The following KIAA0586 variants were observed in gnomAD, a reference collection of about 807,000 sequenced individuals.
KIAA0586 encodes KIAA0586, also known as protein TALPID3.
Under a neutral mutation model 169.8 loss-of-function variants are expected in KIAA0586, and 144 were observed. The observed-to-expected ratio is 0.85, with a 90% CI of 0.74 to 0.97. The LOEUF is 0.97. Ranked by LOEUF, KIAA0586 falls within the 50% of genes least tolerant of loss-of-function variation. KIAA0586 has a pLI of 0.00. For missense variants in KIAA0586, 1,854 were observed against 1,823.0 expected (o/e 1.02, Z -0.31); for synonymous variants, 625 against 612.4 (o/e 1.02, Z -0.30).
At chr14:58,465,013 A>C (rs1595216389) in intron 14 of KIAA0586, among the ~76,000 whole-genome samples, 1 of 152,166 alleles carries the variant, frequency 6.6e-6, no homozygotes, top group Non-Finnish European at 1.5e-5. Flanking sequence ...CAGAGGTTGC[A>C]TTGAGCTAAG....
chr14:58,453,372 A>G lies in KIAA0586; in HGVS notation c.1152A>G (p.Gln384=), dbSNP rs963677243. The change falls in exon 9 of 31, where the codon CAA becomes CAG. Residue 384 remains glutamine, a synonymous_variant. Transcript: ENST00000652326. ...CHRGNVRLLE[Q]ILNNNDSLTR... is the part of the protein sequence containing the mutation. ...CAGGAAATGTAAGACTATTGGAACA[A>G]ATTTTGAATAATAATGATTCTTTGA... 3.6e-6 allele frequency: 5 copies of G among 1,384,462 alleles called. No homozygotes were observed. In the South Asian group the frequency reaches 6.9e-5, roughly 19 times the overall value. The allele number at this position is 1,384,462 out of a possible 1,614,324, so 85.8% of individuals were successfully genotyped here.
chr14:58,492,193 A>G lies in KIAA0586; in HGVS notation c.3908A>G (p.Lys1303Arg), dbSNP rs767855931. 196 of 1,550,192 alleles carry G rather than the reference A, an allele frequency of 1.3e-4. No individual in the cohort carries two copies. The highest frequency in any genetic ancestry group is 1.7e-4 in the Non-Finnish European group (192 of 1,146,200). The change falls in exon 26 of 31, where the codon AAA (lysine) becomes AGA (arginine). Residue 1303 changes from lysine to arginine, a missense_variant. Transcript: ENST00000652326. The stretch of plus-strand genomic sequence containing the variant: ...CAAGTGATTAGGATGTCCCATAAAA[A>G]ATTTCATGCAGATGCAATTCTTTCT... ...EGQVIRMSHK[K>R]FHADAILSFA...
rs138741825 is a variant in KIAA0586 at position 58,434,013 on chromosome 14, G to GAGAC, written c.410+1572_410+1575dup. The stretch of plus-strand genomic sequence containing the variant: ...GACCCCGTCTCATCAGAAAAATAGG[G>GAGAC]AGACAGACAGACAGACAGATGCTGA... On this transcript the variant is annotated intron_variant, in intron 4 of 30. Transcript: ENST00000652326. Among the ~76,000 whole-genome samples the GAGAC allele has an allele frequency of 5.3e-5, 8 of 152,076 alleles. No homozygotes were observed. The East Asian group carries it at 1.5e-3, about 29-fold the overall frequency.
chr14:58,523,058 CAT>C (rs779508322), intron 29 of KIAA0586, among the ~76,000 whole-genome samples: 162 of 149,334 alleles, frequency 1.1e-3, no homozygotes, highest in African/African-American at 2.4e-3. Context: ...ATATCTATGT[CAT>C]ATATATATAT....
chr14:58,484,924 A>ATATATTTT (rs1566877360), intron 21 of KIAA0586, among the ~76,000 whole-genome samples: 1 of 13,052 alleles, frequency 7.7e-5, no homozygotes, highest in Non-Finnish European at 1.3e-4. Context: ...ATATATATAT[A>ATATATTTT]TTTTTTTTTT....
In KIAA0586 at chr14:58,461,129, A is replaced by G. The variant is rs559438142; in HGVS notation, c.2028A>G (p.Pro676=). ...ATTCTCCATCTCCTAAGTCCAGACC[A>G]CAGAGACCAAAAGTAATAGAACGAG... ...RFNSPSPKSR[P]QRPKVIERVK... is the part of the protein sequence containing the mutation. Residue 676 remains proline, a synonymous_variant, in exon 14 of 31, where the codon CCA becomes CCG. Coordinates refer to ENST00000652326, the MANE Select transcript of KIAA0586 (RefSeq NM_001329943.3). The G allele has an allele frequency of 5.8e-5, 92 of 1,597,492 alleles. No individual in the cohort carries two copies. In the South Asian group the frequency reaches 5.9e-4, roughly 10 times the overall value.
intron 28 of KIAA0586, among the ~76,000 whole-genome samples, chr14:58,509,065 C>T (rs2044204516): frequency 6.6e-6 from 1 of 151,932 alleles, no homozygotes; most frequent in African/African-American, 2.4e-5. Context: ...GCCATCTCTA[C>T]AAAAAATACA....
At chr14:58,435,258 T>C (rs1566777890) in intron 4 of KIAA0586, among the ~76,000 whole-genome samples, 1 of 152,238 alleles carries the variant, frequency 6.6e-6, no homozygotes, top group East Asian at 1.9e-4. Flanking sequence ...ATTTATATCA[T>C]TTGATCAAAT....
chr14:58,453,275 C>A, intron 8 of KIAA0586, 75 bp from the exon 9 acceptor site: 1 of 826,562 alleles, frequency 1.2e-6, no homozygotes, highest in Non-Finnish European at 1.7e-6. Flanking sequence ...GGCCAGAATA[C>A]AAATATGTGA....
At chr14:58,521,615 G>A in intron 29 of KIAA0586, 2 of 1,042,726 alleles carry the variant, frequency 1.9e-6, no homozygotes, top group African/African-American at 1.6e-5. Context: ...AGGACAGCGG[G>A]GATCTTCCAA....
intron 1 of KIAA0586, among the ~76,000 whole-genome samples, chr14:58,428,934 C>G (rs1952595507): frequency 6.6e-6 from 1 of 152,108 alleles, no homozygotes; most frequent in South Asian, 2.1e-4. Context: ...TTACCCACTT[C>G]GCTGCTAATT....
At chr14:58,462,982 T>TGAC (rs972210208) in intron 14 of KIAA0586, among the ~76,000 whole-genome samples, 1 of 152,168 alleles carries the variant, frequency 6.6e-6, no homozygotes, top group African/African-American at 2.4e-5. Context: ...GTCTCTCCCG[T>TGAC]GACGCATGGG....
chr14:58,436,826 A>C (rs141075593), intron 4 of KIAA0586, among the ~76,000 whole-genome samples: 32 of 152,274 alleles, frequency 2.1e-4, no homozygotes, highest in Non-Finnish European at 4.3e-4. Flanking sequence ...ATTATAATGT[A>C]CTCTAAAGCC....
At chr14:58,543,146 AAG>A (rs2046764115) in intron 30 of KIAA0586, among the ~76,000 whole-genome samples, 1 of 151,174 alleles carries the variant, frequency 6.6e-6, no homozygotes, top group African/African-American at 2.4e-5. Context: ...AAAAAAAAAA[AAG>A]AAAAGAAACA....
At chr14:58,494,618 T>G (rs997784694) in intron 26 of KIAA0586, among the ~76,000 whole-genome samples, 2 of 152,122 alleles carry the variant, frequency 1.3e-5, no homozygotes, top group Admixed American at 1.3e-4. Flanking sequence ...AGAACCACCC[T>G]TGGTCACTGT....
At chr14:58,521,737 AG>A in intron 29 of KIAA0586, 1 of 828,792 alleles carries the variant, frequency 1.2e-6, no homozygotes, top group Non-Finnish European at 2.1e-6. Flanking sequence ...GAAAAGGAAC[AG>A]GGGAAACAAG....
At chr14:58,492,923 A>G (rs991124008) in intron 26 of KIAA0586, among the ~76,000 whole-genome samples, 1 of 152,240 alleles carries the variant, frequency 6.6e-6, no homozygotes, top group African/African-American at 2.4e-5. Context: ...TAGATGAAGA[A>G]TCAGATACAT....
chr14:58,487,096 T>C lies in KIAA0586; in HGVS notation c.3234T>C (p.Thr1078=). ...SPAKECVLVK[T]PDSSPCDSDH... ...CTAAGGAGTGTGTTTTGGTAAAGAC[T>C]CCAGATTCTTCTCCCTGTGATTCGG... Residue 1078 remains threonine (T), a synonymous_variant, in exon 22 of 31, where the codon ACT becomes ACC. Transcript: ENST00000652326. The C allele has an allele frequency of 6.2e-7, 1 of 1,613,670 alleles. No homozygotes were observed. The highest frequency in any genetic ancestry group is 8.5e-7 in the Non-Finnish European group (1 of 1,179,640).
chr14:58,533,031 G>A (rs1405296520), intron 29 of KIAA0586, among the ~76,000 whole-genome samples: 1 of 152,160 alleles, frequency 6.6e-6, no homozygotes, highest in East Asian at 1.9e-4. Flanking sequence ...GAAAACAGGA[G>A]CACTTTTTTC....
Sources: allele counts gnomAD v4.1 joint callset (sites outside exome capture counted in the v4.1 genomes callset), GRCh38; gene constraint gnomAD v4.1.1; transcripts MANE v1.5; gene names NCBI Gene and HGNC (gene_info 2026-07-23, HGNC 2026-07-21).